CNTN6: variants seen among roughly 807,000 people sequenced by gnomAD.
CNTN6 encodes the protein contactin-6.
A neutral mutation model predicts 122.8 loss-of-function variants in CNTN6; 137 were observed. The ratio of observed to expected loss-of-function variants is 1.12; its 90% CI spans 0.97 to 1.29. The LOEUF (loss-of-function observed/expected upper bound fraction) is 1.29. Ranked by LOEUF, CNTN6 falls within the 50% of genes most tolerant of loss-of-function variation. The pLI is 0.00. For synonymous variants in CNTN6, 570 were observed against 426.0 expected (o/e 1.34, Z -4.16); for missense variants, 1,634 against 1,223.4 (o/e 1.34, Z -5.01).
chr3:1,224,086 T>A (rs1374406081), intron 3 of CNTN6, among the ~76,000 whole-genome samples: 2 of 152,210 alleles, frequency 1.3e-5, no homozygotes, highest in African/African-American at 2.4e-5. Flanking sequence ...CAGAGAGACT[T>A]AAAATTTAGA....
At chr3:1,123,735 G>C (rs2125070833) in intron 1 of CNTN6, among the ~76,000 whole-genome samples, 1 of 152,058 alleles carries the variant, frequency 6.6e-6, no homozygotes, top group Non-Finnish European at 1.5e-5. Context: ...AACAGCAATG[G>C]TGAAGGAGAC....
chr3:1,172,027 C>CCTT (rs1478220506), intron 2 of CNTN6, among the ~76,000 whole-genome samples: 1 of 152,070 alleles, frequency 6.6e-6, no homozygotes, highest in African/African-American at 2.4e-5. Flanking sequence ...CTCTTGAGTC[C>CCTT]CTTGACATGG....
intron 12 of CNTN6, among the ~76,000 whole-genome samples, chr3:1,369,230 T>A (rs905248078): frequency 2.0e-5 from 3 of 152,204 alleles, no homozygotes; most frequent in Non-Finnish European, 2.9e-5. Context: ...CCCTCAGGAT[T>A]TGCCAAACAT....
intron 10 of CNTN6, among the ~76,000 whole-genome samples, chr3:1,328,320 C>T (rs981818583): frequency 6.6e-6 from 1 of 151,682 alleles, no homozygotes; most frequent in Non-Finnish European, 1.5e-5. Flanking sequence ...TGGTGTCTGC[C>T]ACAATAAATG....
intron 3 of CNTN6, among the ~76,000 whole-genome samples, chr3:1,223,485 A>G (rs943613490): frequency 1.3e-5 from 2 of 152,218 alleles, no homozygotes; most frequent in African/African-American, 4.8e-5. Flanking sequence ...CAAAGATCAC[A>G]TAACACATGA....
chr3:1,317,513 C>T (rs1345371527), intron 7 of CNTN6, among the ~76,000 whole-genome samples: 3 of 151,756 alleles, frequency 2.0e-5, no homozygotes, highest in Non-Finnish European at 4.4e-5. Context: ...ATCAAGCATG[C>T]CTTGAGTTAG....
intron 7 of CNTN6, among the ~76,000 whole-genome samples, chr3:1,310,411 C>T (rs1430625091): frequency 6.6e-6 from 1 of 152,048 alleles, no homozygotes; most frequent in South Asian, 2.1e-4. Flanking sequence ...TAGTGGATTT[C>T]ATGAATTAAT....
At chr3:1,261,935 A>T (rs987246520) in intron 4 of CNTN6, among the ~76,000 whole-genome samples, 8 of 152,146 alleles carry the variant, frequency 5.3e-5, no homozygotes, top group African/African-American at 1.9e-4. Context: ...TATTTCTATG[A>T]GTAAATAGGT....
chr3:1,358,594 T>C (rs965889448), intron 12 of CNTN6, among the ~76,000 whole-genome samples: 4 of 151,974 alleles, frequency 2.6e-5, no homozygotes, highest in Admixed American at 6.6e-5. Context: ...AAAAGAGGAA[T>C]GGGGTTGAAG....
intron 2 of CNTN6, among the ~76,000 whole-genome samples, chr3:1,201,725 C>T (rs1434500667): frequency 5.3e-5 from 8 of 152,284 alleles, no homozygotes; most frequent in African/African-American, 1.9e-4. Flanking sequence ...GCTACCCAAA[C>T]ATTTTCACTT....
intron 20 of CNTN6, among the ~76,000 whole-genome samples, chr3:1,397,174 T>C (rs1434587853): frequency 6.6e-6 from 1 of 152,112 alleles, no homozygotes; most frequent in Admixed American, 6.6e-5. Context: ...GCAAGATCTT[T>C]GCCAACCGGC....
Position 1,372,915 on chromosome 3 carries a change from C to G in CNTN6, c.1746C>G (p.Thr582=). The G allele has an allele frequency of 6.2e-7, 1 of 1,605,812 alleles. No individual in the cohort carries two copies. The highest frequency in any genetic ancestry group is 8.5e-7 in the Non-Finnish European group (1 of 1,174,976). The change falls in exon 14 of 23, where the codon ACC becomes ACG. Residue 582 remains threonine (T), a synonymous_variant. Coordinates refer to ENST00000446702, the MANE Select transcript of CNTN6 (RefSeq NM_001289080.2). Reference sequence around the variant, plus strand: ...AATATCTCTGCACAGTACAAACAACCCTAGAAAGTTTATCTGCAGTAGCCG... The same window carrying G: ...AATATCTCTGCACAGTACAAACAACGCTAGAAAGTTTATCTGCAGTAGCCG... The part of the protein sequence containing the change: ...SGKYLCTVQT[T]LESLSAVADI...
At chr3:1,298,754 A>G (rs1037989642) in intron 7 of CNTN6, among the ~76,000 whole-genome samples, 1 of 152,146 alleles carries the variant, frequency 6.6e-6, no homozygotes, top group African/African-American at 2.4e-5. Flanking sequence ...TTCTGACTCT[A>G]GAGGTCTAGG....
chr3:1,306,436 A>G (rs946269052), intron 7 of CNTN6, among the ~76,000 whole-genome samples: 7 of 152,192 alleles, frequency 4.6e-5, no homozygotes, highest in African/African-American at 1.7e-4. Context: ...GAAAGATAAC[A>G]TTAAACCCAC....
At chr3:1,307,774 T>TACA in intron 7 of CNTN6, among the ~76,000 whole-genome samples, 1 of 152,252 alleles carries the variant, frequency 6.6e-6, no homozygotes, top group South Asian at 2.1e-4. Context: ...TGTTAGAATG[T>TACA]GTCTGTATTT....
intron 4 of CNTN6, among the ~76,000 whole-genome samples, chr3:1,243,688 C>G (rs1458399813): frequency 1.3e-5 from 2 of 152,092 alleles, no homozygotes; most frequent in Non-Finnish European, 2.9e-5. Flanking sequence ...TTGACTATGC[C>G]TTTGGCTCCA....
At chr3:1,342,153 G>T (rs933205282) in intron 11 of CNTN6, among the ~76,000 whole-genome samples, 2 of 151,754 alleles carry the variant, frequency 1.3e-5, no homozygotes, top group African/African-American at 2.4e-5. Context: ...TGTTTGTGGT[G>T]GAGTCTCCCT....
At chr3:1,150,226 A>G (rs1320442074) in intron 2 of CNTN6, among the ~76,000 whole-genome samples, 1 of 152,218 alleles carries the variant, frequency 6.6e-6, no homozygotes, top group Non-Finnish European at 1.5e-5. Context: ...AGTTTAGAAA[A>G]TTAGATTGTC....
At position 1,263,070 on chromosome 3, in the gene CNTN6, A is replaced by G. The variant is rs1236192839; in HGVS notation, c.359-15343A>G. On this transcript the variant is annotated intron_variant, in intron 4 of 22. Coordinates refer to ENST00000446702, the MANE Select transcript of CNTN6 (RefSeq NM_001289080.2). ...ACTTATTTCATTTAAGTCTCACAAC[A>G]GTCAAATAATATACCTATTTTCAGA... 2.0e-5 allele frequency among the ~76,000 whole-genome samples: 3 copies of G among 152,156 alleles called. No homozygotes were observed. The East Asian group carries it at 5.8e-4, about 29-fold the overall frequency.
Sources: allele counts gnomAD v4.1 joint callset (sites outside exome capture counted in the v4.1 genomes callset), GRCh38; gene constraint gnomAD v4.1.1; transcripts MANE v1.5; gene names NCBI Gene and HGNC (gene_info 2026-07-23, HGNC 2026-07-21).